Variants in OGG1 observed in about 807,000 individuals in gnomAD.
OGG1 encodes the protein 8-oxoguanine DNA glycosylase.
A neutral mutation model predicts 42.3 loss-of-function variants in OGG1; 35 were observed. The observed-to-expected ratio is 0.83, with a 90% CI of 0.63 to 1.10. The LOEUF (loss-of-function observed/expected upper bound fraction) is 1.10. Among genes scored for constraint, OGG1 ranks in the 50% least tolerant of loss-of-function variants. OGG1 has a pLI of 0.00. For synonymous variants in OGG1, 189 were observed against 179.0 expected (o/e 1.06, Z -0.44); for missense variants, 484 against 446.7 (o/e 1.08, Z -0.75).
chr3:9,766,754 GAAATTTCAATCCTCA>G, downstream of OGG1: 4 of 485,038 alleles, frequency 8.2e-6, no homozygotes, highest in Non-Finnish European at 1.1e-5. Context: ...CTCTCGTGGT[GAAATTTCAATCCTCA>G]GGGATAATTA....
Position 9,750,714 on chromosome 3 carries a change from T to G in OGG1, c.138-231T>G. On this transcript the variant is annotated intron_variant, in intron 1 of 6. Transcript: ENST00000344629. ...GAATGCAGAGAGGCCCATTCCAGCC[T>G]CGACCCCCCGGGCGCAGCCTCCCGA... is the stretch of plus-strand genomic sequence containing the variant. The G allele has an allele frequency of 4.3e-6, 3 of 694,596 alleles. No homozygotes were observed. In the South Asian group the frequency reaches 5.4e-5, roughly 13 times the overall value. 43.0% of individuals were successfully genotyped at this position (694,596 alleles called of 1,614,324 possible).
intron 7 of OGG1, among the ~76,000 whole-genome samples, chr3:9,764,517 G>A (rs749516023): frequency 1.3e-5 from 2 of 151,600 alleles, no homozygotes; most frequent in Non-Finnish European, 2.9e-5. Flanking sequence ...TCTCCATGTT[G>A]GTCAGGCTGG....
At chr3:9,774,708 G>T (rs1278960731) in intron 2 of OGG1, among the ~76,000 whole-genome samples, 1 of 152,148 alleles carries the variant, frequency 6.6e-6, no homozygotes, top group African/African-American at 2.4e-5. Flanking sequence ...AAGGTCATTT[G>T]CAGCCTTTCA....
chr3:9,752,572 A>C (rs1329090325), intron 3 of OGG1, among the ~76,000 whole-genome samples: 2 of 148,318 alleles, frequency 1.3e-5, no homozygotes, highest in Non-Finnish European at 3.0e-5. Flanking sequence ...GTATCATTGT[A>C]GTGAATGGGA....
At chr3:9,755,881 T>G (rs947478712) in intron 4 of OGG1, among the ~76,000 whole-genome samples, 19 of 152,212 alleles carry the variant, frequency 1.2e-4, no homozygotes, top group African/African-American at 4.3e-4. Context: ...CTCAGCCATG[T>G]GACTTTGGCC....
At chr3:9,759,407 G>A, downstream of OGG1, 1 of 1,591,408 alleles carries the variant, frequency 6.3e-7, no homozygotes, top group Non-Finnish European at 8.6e-7. Flanking sequence ...TGTGATGCCA[G>A]GTGCTGTGCA....
intron 3 of OGG1, 26 bp from the exon 4 acceptor site, chr3:9,754,678 C>G: frequency 6.2e-7 from 1 of 1,612,242 alleles, no homozygotes. Context: ...ATGCCTGATG[C>G]TTGCCCTCCT....
intron 2 of OGG1, among the ~76,000 whole-genome samples, chr3:9,777,590 T>C (rs2078381027): frequency 6.6e-6 from 1 of 152,082 alleles, no homozygotes; most frequent in South Asian, 2.1e-4. Context: ...GCCAGGCAGA[T>C]AGTAGGTATG....
chr3:9,790,777 A>T (rs530382838), downstream of OGG1, among the ~76,000 whole-genome samples: 3 of 152,344 alleles, frequency 2.0e-5, no homozygotes, highest in African/African-American at 7.2e-5. Flanking sequence ...GCAGATAGGG[A>T]AACTGACACT....
downstream of OGG1, chr3:9,757,970 A>T: frequency 1.4e-6 from 2 of 1,454,642 alleles, no homozygotes; most frequent in Non-Finnish European, 9.1e-7. This position sits in a 1 kb window ranked among gnomAD's most constrained non-coding sequence, Gnocchi z 4.5. Context: ...TTATTTTATT[A>T]ATTCCCCTAA....
Position 9,779,982 on chromosome 3 carries a change from A to T in OGG1, c.295-1531A>T, listed in dbSNP as rs188801534. 223 of 168,368 alleles carry T rather than the reference A, an allele frequency of 1.3e-3. 3 individuals are homozygous for T. The highest frequency in any genetic ancestry group is 2.7e-3 in the Middle Eastern group (1 of 368). The allele number at this position is 168,368 out of a possible 1,614,324, so 10.4% of individuals were successfully genotyped here. A position where few individuals can be genotyped will look rare whatever the true frequency, so the allele number is the denominator to read the frequency against. ...GACTGGATGCTTTTTTTGAAAAACC[A>T]CAGCAGTCACTTTATTCTTAAGTTT... On this transcript the variant is annotated intron_variant, in intron 2 of 3. Transcript: ENST00000426518.
chr3:9,751,837 C>A lies in OGG1; in HGVS notation c.453C>A (p.Asn151Lys). 2 of 1,614,238 alleles carry A rather than the reference C, an allele frequency of 1.2e-6. No homozygotes were observed. Among genetic ancestry groups the A allele is most frequent in the South Asian group, 1.1e-5 (1 of 91,080 alleles). Residue 151 changes from asparagine (N) to lysine (K), a missense_variant, in exon 3 of 7, where the codon AAC becomes AAA. Transcript: ENST00000344629. Reference protein sequence around the residue: ...LFSFICSSNNNIARITGMVER... With the variant: ...LFSFICSSNNKIARITGMVER... Reference sequence around the variant, plus strand: ...CTTTTATCTGTTCCTCCAACAACAACATCGCCCGCATCACTGGCATGGTGG... The same window carrying A: ...CTTTTATCTGTTCCTCCAACAACAAAATCGCCCGCATCACTGGCATGGTGG...
chr3:9,767,797 AAGG>A (rs1401010862), downstream of OGG1: 7 of 1,610,534 alleles, frequency 4.3e-6, no homozygotes, highest in Non-Finnish European at 3.4e-6. Flanking sequence ...AGGAGAATGG[AAGG>A]AGGAGACTCA....
downstream of OGG1, chr3:9,760,564 A>T (rs962834816): frequency 2.9e-5 from 39 of 1,322,808 alleles, no homozygotes; most frequent in Admixed American, 6.4e-4. Context: ...GGAAAATCCG[A>T]CAGAAGGAAG....
chr3:9,758,996 G>T (rs1397558711), downstream of OGG1: 1 of 613,156 alleles, frequency 1.6e-6, no homozygotes. Flanking sequence ...GTGCCCTCAG[G>T]ATCAAGTTGG....
At chr3:9,773,676 A>G (rs1181597069) in intron 2 of OGG1, among the ~76,000 whole-genome samples, 3 of 149,968 alleles carry the variant, frequency 2.0e-5, no homozygotes, top group Non-Finnish European at 4.5e-5. Flanking sequence ...ATCTCCATCA[A>G]TTCTTTTATT....
At chr3:9,757,996 T>C, downstream of OGG1, 1 of 1,299,144 alleles carries the variant, frequency 7.7e-7, no homozygotes, top group Non-Finnish European at 1.0e-6. The surrounding 1 kb of genome is among the most constrained non-coding windows in gnomAD (Gnocchi z 4.5). Context: ...CCCAAAAACC[T>C]CTACAAGGCT....
chr3:9,752,217 A>G, intron 3 of OGG1: 1 of 521,608 alleles, frequency 1.9e-6, no homozygotes, highest in South Asian at 2.1e-5. Context: ...TTTGGGGTTA[A>G]GAGCATGCAT....
chr3:9,761,938 G>T, downstream of OGG1: 2 of 833,484 alleles, frequency 2.4e-6, no homozygotes, highest in Non-Finnish European at 1.8e-6. Flanking sequence ...GAAGGACAAG[G>T]CTCAAGAGGG....
Sources: gnomAD v4.1 joint callset for allele counts (sites outside exome capture counted in the v4.1 genomes callset) on GRCh38, gnomAD v4.1.1 for gene constraint, Gnocchi (gnomAD v3.1) non-coding constraint, MANE v1.5 for transcripts, NCBI Gene and HGNC (gene_info 2026-07-23, HGNC 2026-07-21) for gene names.